The following CSMD1 variants were observed in gnomAD, a reference collection of about 807,000 sequenced individuals.
CSMD1 encodes the protein CUB and sushi domain-containing protein 1.
Under a neutral mutation model 417.5 loss-of-function variants are expected in CSMD1, and 213 were observed. The ratio of observed to expected loss-of-function variants is 0.51; its 90% CI spans 0.46 to 0.57. The LOEUF (loss-of-function observed/expected upper bound fraction) is 0.57, where lower values mean the gene tolerates loss of function less well. CSMD1 is among the 20% of genes least tolerant of loss of function. The pLI, the probability that CSMD1 is intolerant of heterozygous loss-of-function variation, is 0.00. For synonymous variants in CSMD1, 2,862 were observed against 1,736.8 expected (o/e 1.65, Z -16.11); for missense variants, 6,923 against 4,529.7 (o/e 1.53, Z -15.17).
At chr8:3,725,193 C>A (rs896873077) in intron 6 of CSMD1, among the ~76,000 whole-genome samples, 1 of 151,980 alleles carries the variant, frequency 6.6e-6, no homozygotes, top group African/African-American at 2.4e-5. Flanking sequence ...GAGGTAGGTT[C>A]AAGGAAATGA....
At chr8:4,799,194 A>G (rs1252551616) in intron 1 of CSMD1, among the ~76,000 whole-genome samples, 2 of 152,322 alleles carry the variant, frequency 1.3e-5, no homozygotes, top group African/African-American at 2.4e-5. Context: ...TCACAAGGGA[A>G]TAAGAAAAAA....
chr8:3,855,963 G>C (rs573692003), intron 5 of CSMD1, among the ~76,000 whole-genome samples: 11 of 152,200 alleles, frequency 7.2e-5, no homozygotes, highest in African/African-American at 2.6e-4. Flanking sequence ...CCCTACTACT[G>C]AGTTTCATGA....
At chr8:3,387,754 T>C (rs928540561) in intron 17 of CSMD1, 72 bp from the exon 18 acceptor site, 2 of 1,213,682 alleles carry the variant, frequency 1.6e-6, no homozygotes, top group African/African-American at 1.5e-5. Context: ...ACCCACGCCA[T>C]CAACTACGAA....
chr8:3,201,212 G>T (rs1796974622), intron 32 of CSMD1, among the ~76,000 whole-genome samples: 1 of 152,114 alleles, frequency 6.6e-6, no homozygotes, highest in East Asian at 1.9e-4. Context: ...GGCTATTAAT[G>T]GGTCTCTCTA....
chr8:4,114,934 C>G (rs567986635), intron 3 of CSMD1, among the ~76,000 whole-genome samples: 182 of 152,254 alleles, frequency 1.2e-3, no homozygotes, highest in African/African-American at 4.0e-3. Flanking sequence ...GAGATACAAT[C>G]TACTCCTGGT....
At chr8:4,833,753 G>C (rs1203140860) in intron 1 of CSMD1, among the ~76,000 whole-genome samples, 1 of 152,154 alleles carries the variant, frequency 6.6e-6, no homozygotes, top group Non-Finnish European at 1.5e-5. Context: ...GATTTACATT[G>C]ACTTCTATTC....
Position 4,741,748 on chromosome 8 carries a change from A to G in CSMD1, c.86-104190T>C, listed in dbSNP as rs373758118. On this transcript the variant is annotated intron_variant, in intron 1 of 69. Transcript: ENST00000635120. ...ACATAGTAGCTTGTTAGAAGTGGAG[A>G]GTCTCAGGCCCCAACCCAGACCTGC... Among the ~76,000 whole-genome samples the G allele has an allele frequency of 3.4e-4, 52 of 152,188 alleles. No individual in the cohort carries two copies. The East Asian group carries it at 9.3e-3, about 27-fold the overall frequency.
At chr8:4,456,389 G>T (rs1652553) in intron 2 of CSMD1, among the ~76,000 whole-genome samples, 10 of 152,216 alleles carry the variant, frequency 6.6e-5, no homozygotes, top group African/African-American at 1.7e-4. Context: ...AAATAGCTAG[G>T]TATCAAAGAC....
chr8:3,444,317 G>A (rs1400704708), intron 12 of CSMD1, among the ~76,000 whole-genome samples: 1 of 152,138 alleles, frequency 6.6e-6, no homozygotes, highest in Admixed American at 6.6e-5. Flanking sequence ...CGACTCAGGA[G>A]TCAAGAACAC....
At position 3,305,253 on chromosome 8, in the gene CSMD1, T is replaced by C. The variant is rs143908711; in HGVS notation, c.3950+2442A>G. ...AATATGAAATATTAAATTCTGTTAC[T>C]CAGCTATAACTTAGTGTTGTCCCAA... On this transcript the variant is annotated intron_variant, in intron 25 of 69. Transcript: ENST00000635120. Among the ~76,000 whole-genome samples the C allele has an allele frequency of 6.0e-3, 913 of 152,326 alleles. 8 individuals are homozygous for C. The highest frequency in any genetic ancestry group is 0.02 in the African/African-American group (843 of 41,564).
intron 3 of CSMD1, among the ~76,000 whole-genome samples, chr8:4,384,117 G>A (rs1051491992): frequency 3.3e-5 from 5 of 152,106 alleles, no homozygotes; most frequent in African/African-American, 1.2e-4. Flanking sequence ...ATCAACACAG[G>A]CTTCAGCTTT....
intron 3 of CSMD1, among the ~76,000 whole-genome samples, chr8:4,241,325 G>C (rs553639523): frequency 2.0e-4 from 31 of 152,232 alleles, no homozygotes; most frequent in African/African-American, 7.2e-4. Flanking sequence ...CATATTTCAC[G>C]CCTTTGCCTA....
chr8:4,187,902 C>G (rs6995684), intron 3 of CSMD1, among the ~76,000 whole-genome samples: 1 of 151,880 alleles, frequency 6.6e-6, no homozygotes, highest in Non-Finnish European at 1.5e-5. Flanking sequence ...GGCATGATAT[C>G]ATGCATTTGT....
chr8:3,065,383 A>G (rs191875078), intron 49 of CSMD1, among the ~76,000 whole-genome samples: 1 of 152,120 alleles, frequency 6.6e-6, no homozygotes, highest in Non-Finnish European at 1.5e-5. Context: ...GGTCAAAAGA[A>G]AGATAGAAAG....
chr8:3,317,441 G>A (rs1037117069), intron 23 of CSMD1, among the ~76,000 whole-genome samples: 1 of 152,078 alleles, frequency 6.6e-6, no homozygotes, highest in African/African-American at 2.4e-5. Flanking sequence ...ACACAAGTGT[G>A]GACTTGTATT....
At chr8:3,836,686 A>C (rs987116738) in intron 5 of CSMD1, among the ~76,000 whole-genome samples, 6 of 152,132 alleles carry the variant, frequency 3.9e-5, no homozygotes, top group African/African-American at 1.4e-4. Context: ...ACCTTTGTTC[A>C]ATATGGTTAG....
intron 6 of CSMD1, among the ~76,000 whole-genome samples, chr8:3,742,949 C>A (rs1246344111): frequency 6.6e-6 from 1 of 152,164 alleles, no homozygotes; most frequent in African/African-American, 2.4e-5. Flanking sequence ...ATCTTCTTGA[C>A]AGGATACCAC....
chr8:4,719,760 T>G (rs2116902819), intron 1 of CSMD1, among the ~76,000 whole-genome samples: 1 of 152,326 alleles, frequency 6.6e-6, no homozygotes, highest in South Asian at 2.1e-4. Flanking sequence ...CACTTACGAT[T>G]TTCAAAGTAC....
chr8:2,957,054 C>T (rs1021467672), intron 63 of CSMD1, among the ~76,000 whole-genome samples: 5 of 151,776 alleles, frequency 3.3e-5, no homozygotes, highest in East Asian at 1.9e-4. Context: ...AATAAGACAC[C>T]GCATTTCACT....
Sources: allele counts gnomAD v4.1 joint callset (sites outside exome capture counted in the v4.1 genomes callset), GRCh38; gene constraint gnomAD v4.1.1; transcripts MANE v1.5; gene names NCBI Gene and HGNC (gene_info 2026-07-23, HGNC 2026-07-21).